IL1RAPL1: variants seen among roughly 807,000 people sequenced by gnomAD.
IL1RAPL1 encodes interleukin-1 receptor accessory protein-like 1.
A neutral mutation model predicts 48.4 loss-of-function variants in IL1RAPL1; 3 were observed. The observed-to-expected ratio is 0.06, with a 90% CI of 0.03 to 0.16. The LOEUF (loss-of-function observed/expected upper bound fraction) is 0.16, where lower values mean the gene tolerates loss of function less well. IL1RAPL1 is among the 10% of genes least tolerant of loss of function. IL1RAPL1 has a pLI of 1.00. For missense variants in IL1RAPL1, 349 were observed against 530.6 expected (o/e 0.66, Z 3.36); for synonymous variants, 185 against 187.7 (o/e 0.99, Z 0.12).
chrX:29,049,364 G>A (rs1927044009), intron 2 of IL1RAPL1, among the ~76,000 whole-genome samples: 1 of 112,075 alleles, frequency 8.9e-6, no homozygotes, highest in Non-Finnish European at 1.9e-5. Context: ...TCAATGAGGT[G>A]GCACAAAAAA....
chrX:29,546,048 A>G (rs1921617259), intron 5 of IL1RAPL1, among the ~76,000 whole-genome samples: 1 of 111,547 alleles, frequency 9.0e-6, no homozygotes, highest in African/African-American at 3.3e-5. Context: ...GGAGGATGCT[A>G]CTGGTAGTGG....
intron 2 of IL1RAPL1, among the ~76,000 whole-genome samples, chrX:28,899,819 A>G (rs182046167): frequency 9.0e-6 from 1 of 111,663 alleles, no homozygotes; most frequent in African/African-American, 3.3e-5. Flanking sequence ...CTCAGAGAGA[A>G]GAGAGTTGTG....
intron 5 of IL1RAPL1, among the ~76,000 whole-genome samples, chrX:29,591,301 G>A (rs1923362838): frequency 8.9e-6 from 1 of 112,386 alleles, no homozygotes; most frequent in South Asian, 3.7e-4. Flanking sequence ...GTGACAACGA[G>A]GTGCCTGTAA....
chrX:29,411,125 T>C (rs1487733757), intron 5 of IL1RAPL1, among the ~76,000 whole-genome samples: 1 of 111,690 alleles, frequency 9.0e-6, no homozygotes, highest in African/African-American at 3.3e-5. Context: ...TTTGGGAGGC[T>C]GAAGCAGGAG....
intron 6 of IL1RAPL1, among the ~76,000 whole-genome samples, chrX:29,843,634 G>T (rs1201445076): frequency 9.0e-6 from 1 of 111,327 alleles, no homozygotes; most frequent in East Asian, 2.8e-4. Context: ...GACTCTAGAA[G>T]GTAATTTGTT....
intron 2 of IL1RAPL1, among the ~76,000 whole-genome samples, chrX:29,046,899 A>G (rs1268034879): frequency 8.9e-6 from 1 of 112,115 alleles, no homozygotes; most frequent in Non-Finnish European, 1.9e-5. Context: ...AATTGCTGCC[A>G]TTTAAAGATA....
intron 5 of IL1RAPL1, among the ~76,000 whole-genome samples, chrX:29,449,360 TTATCTGTC>T (rs1179365063): frequency 9.0e-6 from 1 of 110,863 alleles, no homozygotes; most frequent in Non-Finnish European, 1.9e-5. Context: ...GTGAATGTGT[TTATCTGTC>T]TATCTGAGTG....
chrX:29,785,133 G>T (rs1344385632), intron 6 of IL1RAPL1, among the ~76,000 whole-genome samples: 1 of 111,876 alleles, frequency 8.9e-6, no homozygotes, highest in African/African-American at 3.2e-5. Context: ...TGCTACTTGA[G>T]AGTTTAACCA....
rs139477916 is a variant in IL1RAPL1 at position 29,778,580 on chromosome X, T to C, written c.778+110076T>C. Reference sequence around the variant, plus strand: ...TAAATGAACACCCTGTCTCTTTTTCTTTCACCTAATCCTGGTATGTCTTTG... The same window carrying C: ...TAAATGAACACCCTGTCTCTTTTTCCTTCACCTAATCCTGGTATGTCTTTG... On this transcript the variant is annotated intron_variant, in intron 6 of 10. Coordinates refer to ENST00000378993, the MANE Select transcript of IL1RAPL1 (RefSeq NM_014271.4). Among the ~76,000 whole-genome samples, 82 of 112,102 alleles carry C rather than the reference T, an allele frequency of 7.3e-4. No individual in the cohort carries two copies. In the East Asian group the frequency reaches 0.016, roughly 22 times the overall value.
At chrX:28,733,493 A>C (rs7055475) in intron 1 of IL1RAPL1, among the ~76,000 whole-genome samples, 6,501 of 110,840 alleles carry the variant, frequency 0.059, 470 homozygotes, top group African/African-American at 0.2. Context: ...ACATTGCTGA[A>C]TTAGACCCAA....
At chrX:28,876,021 A>G (rs1433901860) in intron 2 of IL1RAPL1, among the ~76,000 whole-genome samples, 1 of 111,834 alleles carries the variant, frequency 8.9e-6, no homozygotes, top group Non-Finnish European at 1.9e-5. Context: ...CCCCTTTGCC[A>G]TCTACCATGA....
intron 6 of IL1RAPL1, among the ~76,000 whole-genome samples, chrX:29,669,481 C>A (rs1926088938): frequency 9.0e-6 from 1 of 111,069 alleles, no homozygotes; most frequent in Non-Finnish European, 1.9e-5. Context: ...GAATTTGCAT[C>A]AAAATTGTAA....
intron 2 of IL1RAPL1, among the ~76,000 whole-genome samples, chrX:29,229,864 A>C (rs62586246): frequency 0.38 from 42,372 of 111,303 alleles, 7,726 homozygotes; most frequent in Non-Finnish European, 0.57. Context: ...AAAACAATCC[A>C]AACTCCCTTT....
At chrX:29,775,096 T>G (rs373065246) in intron 6 of IL1RAPL1, among the ~76,000 whole-genome samples, 2 of 111,599 alleles carry the variant, frequency 1.8e-5, no homozygotes, top group East Asian at 5.7e-4. Context: ...ATACAAAGAC[T>G]TTGGTGGGAA....
chrX:29,810,256 T>C (rs1341386798), intron 6 of IL1RAPL1, among the ~76,000 whole-genome samples: 1 of 110,541 alleles, frequency 9.0e-6, no homozygotes, highest in African/African-American at 3.3e-5. Context: ...AGTGGGGAGA[T>C]CTCAGCTCAC....
intron 2 of IL1RAPL1, among the ~76,000 whole-genome samples, chrX:28,865,250 CA>C (rs1922048985): frequency 9.1e-6 from 1 of 110,388 alleles, no homozygotes; most frequent in Admixed American, 9.7e-5. Context: ...CCAGCCTGAC[CA>C]ATATGATGAA....
At chrX:29,949,522 T>C (rs972054960) in intron 9 of IL1RAPL1, among the ~76,000 whole-genome samples, 5 of 112,134 alleles carry the variant, frequency 4.5e-5, no homozygotes, top group South Asian at 3.7e-4. Flanking sequence ...GTATACCAGC[T>C]GTTTTTCATC....
In IL1RAPL1 at chrX:29,906,872, G is replaced by T. The variant is rs376048457; in HGVS notation, c.779-10592G>T. On this transcript the variant is annotated intron_variant, in intron 6 of 10. Coordinates refer to ENST00000378993, the MANE Select transcript of IL1RAPL1 (RefSeq NM_014271.4). ...CTTGCTGAATCTAAATCTGGTGGGG[G>T]GTGGAGGTAAATTTTTTGACAATAA... 4.5e-5 allele frequency among the ~76,000 whole-genome samples: 5 copies of T among 110,045 alleles called. No homozygotes were observed. In the East Asian group the frequency reaches 1.4e-3, roughly 32 times the overall value.
Position 29,604,991 on chromosome X carries a change from A to G in IL1RAPL1, c.704-63439A>G, listed in dbSNP as rs1018125603. On this transcript the variant is annotated intron_variant, in intron 5 of 10. Transcript: ENST00000378993. ...GTCAGTGATTCATTTTGGAATGGAT[A>G]CGTATTACAGTTTGGCTAATGAAAT... 7.3e-5 allele frequency among the ~76,000 whole-genome samples: 8 copies of G among 108,917 alleles called. No individual in the cohort carries two copies. The East Asian group carries it at 2.3e-3, about 32-fold the overall frequency. 94.6% of individuals were successfully genotyped at this position (108,917 alleles called of 115,157 possible).
Sources: allele counts gnomAD v4.1 joint callset (sites outside exome capture counted in the v4.1 genomes callset), GRCh38; gene constraint gnomAD v4.1.1; transcripts MANE v1.5; gene names NCBI Gene and HGNC (gene_info 2026-07-23, HGNC 2026-07-21).